Variants in BCKDHB observed in about 807,000 individuals in gnomAD.
BCKDHB encodes the protein branched chain keto acid dehydrogenase E1 subunit beta.
BCKDHB carries 41 observed loss-of-function variants against 48.5 expected under a neutral mutation model. That is an observed-to-expected ratio of 0.85 (90% CI 0.66 to 1.10). BCKDHB has a LOEUF of 1.10. Among genes scored for constraint, BCKDHB ranks in the 50% least tolerant of loss-of-function variants. The pLI is 0.00. For synonymous variants in BCKDHB, 201 were observed against 174.8 expected (o/e 1.15, Z -1.18); for missense variants, 496 against 494.2 (o/e 1.00, Z -0.03).
the BCKDHB span, among the ~76,000 whole-genome samples, chr6:80,450,903 A>G: frequency 6.6e-6 from 1 of 152,216 alleles, no homozygotes; most frequent in African/African-American, 2.4e-5. Context: ...TTAATAATTT[A>G]AATAGTAGAA....
chr6:80,238,115 T>C (rs1046397257), intron 8 of BCKDHB, among the ~76,000 whole-genome samples: 1 of 152,208 alleles, frequency 6.6e-6, no homozygotes, highest in Non-Finnish European at 1.5e-5. Flanking sequence ...TTTATTTTAT[T>C]TTTTGAGAGT....
intron 6 of BCKDHB, among the ~76,000 whole-genome samples, chr6:80,199,803 G>C (rs1264249362): frequency 7.1e-6 from 1 of 139,866 alleles, no homozygotes; most frequent in Non-Finnish European, 1.5e-5. Flanking sequence ...AAAAAGGCCG[G>C]GCACATGCCT....
intron 9 of BCKDHB, among the ~76,000 whole-genome samples, chr6:80,332,255 C>T (rs1047087986): frequency 1.3e-5 from 2 of 152,254 alleles, no homozygotes; most frequent in Admixed American, 1.3e-4. Flanking sequence ...CCACTTGAAG[C>T]TGGAGAGTGC....
intron 8 of BCKDHB, among the ~76,000 whole-genome samples, chr6:80,247,196 A>G (rs1776653639): frequency 1.3e-5 from 2 of 152,216 alleles, no homozygotes; most frequent in South Asian, 4.1e-4. Context: ...TAATTTTTAA[A>G]TTGCTATTTG....
chr6:80,315,736 G>A (rs958623701), intron 9 of BCKDHB, among the ~76,000 whole-genome samples: 10 of 151,992 alleles, frequency 6.6e-5, no homozygotes, highest in East Asian at 3.9e-4. Context: ...CTTCCACGTC[G>A]GCCTGCCAAA....
chr6:80,135,658 T>C (rs1392850254), intron 3 of BCKDHB, among the ~76,000 whole-genome samples: 1 of 152,202 alleles, frequency 6.6e-6, no homozygotes, highest in Non-Finnish European at 1.5e-5. Context: ...CATTAATTTA[T>C]TTCTAAAAAT....
intron 1 of BCKDHB, among the ~76,000 whole-genome samples, chr6:80,111,349 A>G (rs1025966885): frequency 2.0e-5 from 3 of 152,136 alleles, no homozygotes; most frequent in Non-Finnish European, 4.4e-5. Context: ...TCTTCATCTA[A>G]TTTCTCTTTT....
intron 8 of BCKDHB, among the ~76,000 whole-genome samples, chr6:80,240,005 G>A (rs558440463): frequency 6.6e-6 from 1 of 152,248 alleles, no homozygotes; most frequent in African/African-American, 2.4e-5. Flanking sequence ...GGTTGCTGTA[G>A]CCTTGTAGTA....
At chr6:80,166,347 C>T (rs2476826) in intron 3 of BCKDHB, among the ~76,000 whole-genome samples, 100,132 of 151,930 alleles carry the variant, frequency 0.66, 33,820 homozygotes, top group African/African-American at 0.8. Flanking sequence ...CTGTGAGTTA[C>T]TTAGCTATTT....
intron 3 of BCKDHB, among the ~76,000 whole-genome samples, chr6:80,131,826 A>T (rs917956086): frequency 1.3e-5 from 2 of 151,760 alleles, no homozygotes; most frequent in African/African-American, 4.8e-5. Context: ...TATTTTTAGT[A>T]GAGATGGAAT....
At chr6:80,393,352 G>A in the BCKDHB span, among the ~76,000 whole-genome samples, 7 of 152,112 alleles carry the variant, frequency 4.6e-5, no homozygotes, top group African/African-American at 1.7e-4. Context: ...TGTTATTACA[G>A]TGTTAGGAAG....
chr6:80,297,715 T>C (rs903666078), intron 9 of BCKDHB, among the ~76,000 whole-genome samples: 2 of 152,168 alleles, frequency 1.3e-5, no homozygotes, highest in Non-Finnish European at 2.9e-5. Context: ...TTCCATAACT[T>C]GTAGGTGGCC....
chr6:80,432,264 C>T, the BCKDHB span, among the ~76,000 whole-genome samples: 7 of 152,234 alleles, frequency 4.6e-5, no homozygotes, highest in East Asian at 1.2e-3. Flanking sequence ...GGATAATATC[C>T]TGAAGAATGT....
At chr6:80,201,324 G>A (rs1001870797) in intron 7 of BCKDHB, among the ~76,000 whole-genome samples, 1 of 152,074 alleles carries the variant, frequency 6.6e-6, no homozygotes, top group Non-Finnish European at 1.5e-5. Context: ...ACTATTTTGT[G>A]TGTGGGGGTG....
chr6:80,267,141 TG>T (rs34710036), intron 8 of BCKDHB, among the ~76,000 whole-genome samples: 8,112 of 152,136 alleles, frequency 0.053, 276 homozygotes, highest in Non-Finnish European at 0.08. Flanking sequence ...CAGTAGGCAT[TG>T]TAAGTAAGAG....
At chr6:80,397,195 C>T in the BCKDHB span, among the ~76,000 whole-genome samples, 1 of 152,144 alleles carries the variant, frequency 6.6e-6, no homozygotes, top group Non-Finnish European at 1.5e-5. Flanking sequence ...CTATCTGCTT[C>T]CTTTATAAAC....
chr6:80,152,814 T>C (rs1375928443), intron 3 of BCKDHB, among the ~76,000 whole-genome samples: 1 of 152,210 alleles, frequency 6.6e-6, no homozygotes, highest in Non-Finnish European at 1.5e-5. Context: ...GGTACCTTTG[T>C]GGATCATCAT....
the BCKDHB span, among the ~76,000 whole-genome samples, chr6:80,427,540 C>G: frequency 1.3e-5 from 2 of 152,104 alleles, no homozygotes; most frequent in African/African-American, 4.8e-5. Flanking sequence ...CACATGTTTA[C>G]TATTTGCAGC....
At chr6:80,298,823 A>G (rs372467264) in intron 9 of BCKDHB, among the ~76,000 whole-genome samples, 6 of 152,294 alleles carry the variant, frequency 3.9e-5, no homozygotes, top group East Asian at 3.9e-4. Context: ...ATTGCAGCCA[A>G]CGCTGAATCA....
Sources: allele counts gnomAD v4.1 joint callset (sites outside exome capture counted in the v4.1 genomes callset), GRCh38; gene constraint gnomAD v4.1.1; transcripts MANE v1.5; gene names NCBI Gene and HGNC (gene_info 2026-07-23, HGNC 2026-07-21).